The following NEK5 variants were observed in gnomAD, a reference collection of about 807,000 sequenced individuals.
NEK5 encodes the protein NIMA related kinase 5, also known as serine/threonine-protein kinase Nek5.
NEK5 carries 88 observed loss-of-function variants against 109.2 expected under a neutral mutation model. That is an observed-to-expected ratio of 0.81 (90% CI 0.68 to 0.96). The LOEUF (loss-of-function observed/expected upper bound fraction) is 0.96. Among genes scored for constraint, NEK5 ranks in the 40% least tolerant of loss-of-function variants. The pLI, the probability that NEK5 is intolerant of heterozygous loss-of-function variation, is 0.00. For synonymous variants in NEK5, 283 were observed against 299.9 expected, an observed-to-expected ratio of 0.94 and a Z score of 0.58; for missense variants, 834 against 920.7, an observed-to-expected ratio of 0.91 and a Z score of 1.22.
intron 3 of NEK5, among the ~76,000 whole-genome samples, chr13:52,123,885 G>A (rs1426274919): frequency 1.3e-5 from 2 of 149,036 alleles, no homozygotes; most frequent in African/African-American, 4.9e-5. Context: ...CAACGACCTT[G>A]GAAGAAGTAG....
At position 52,035,911 on chromosome 13, in the gene NEK5, C is replaced by T. The variant is rs912480325; in HGVS notation, c.*1037G>A. 4.6e-5 allele frequency: 7 copies of T among 151,266 alleles called. No individual in the cohort carries two copies. The highest frequency in any genetic ancestry group is 4.2e-4 in the South Asian group (2 of 4,806). The allele number at this position is 151,266 out of a possible 1,614,324, so 9.4% of individuals were successfully genotyped here. ...ACTTCAAAATCACAGTTTTGTAAAA[C>T]GGCAGATTATGTTAAATGAGTGAAC... is the stretch of plus-strand genomic sequence containing the variant. On this transcript the variant is annotated 3_prime_UTR_variant, in exon 24 of 24. Transcript: ENST00000684899.
intron 20 of NEK5, among the ~76,000 whole-genome samples, chr13:52,066,503 C>T (rs1208369133): frequency 1.3e-5 from 2 of 151,546 alleles, no homozygotes; most frequent in African/African-American, 2.4e-5. Flanking sequence ...TAGCTCTTCC[C>T]TGTTCAAAAA....
At chr13:52,114,858 G>A (rs1251305412) in intron 4 of NEK5, among the ~76,000 whole-genome samples, 2 of 152,110 alleles carry the variant, frequency 1.3e-5, no homozygotes, top group African/African-American at 4.8e-5. Context: ...CAGCAATGAA[G>A]GGATGGCAAT....
chr13:52,057,686 A>G (rs1460068005), intron 22 of NEK5, among the ~76,000 whole-genome samples: 22 of 152,316 alleles, frequency 1.4e-4, no homozygotes, highest in African/African-American at 2.4e-4. Flanking sequence ...TATAAACAGA[A>G]CCAAAGACAA....
At position 52,063,835 on chromosome 13, in the gene NEK5, G is replaced by A. The variant is rs934271743; in HGVS notation, c.1975+1649C>T. Among the ~76,000 whole-genome samples, 21 of 151,956 alleles carry A rather than the reference G, an allele frequency of 1.4e-4. 1 individual carries two copies. The highest frequency in any genetic ancestry group is 4.1e-4 in the African/African-American group (17 of 41,462). ...TGAGAAGTGAGGAGCCCCTTCGCCC[G>A]GCAGCCACCCTGTCTGGGAAGTGAG... On this transcript the variant is annotated intron_variant, in intron 21 of 23. Coordinates refer to ENST00000684899, the MANE Select transcript of NEK5 (RefSeq NM_001365552.1).
intron 3 of NEK5, among the ~76,000 whole-genome samples, chr13:52,126,624 A>G (rs1956067691): frequency 6.6e-6 from 1 of 152,120 alleles, no homozygotes; most frequent in African/African-American, 2.4e-5. Context: ...CTAAAAATAC[A>G]AAAAATTATC....
intron 20 of NEK5, 38 bp downstream of exon 20, chr13:52,071,906 C>G (rs769501635): frequency 1.1e-5 from 17 of 1,599,500 alleles, no homozygotes; most frequent in Middle Eastern, 1.6e-4. Context: ...GCTAATAAAA[C>G]AGTTCCTTCT....
At chr13:52,075,041 G>C (rs1032708551) in intron 19 of NEK5, among the ~76,000 whole-genome samples, 1 of 152,186 alleles carries the variant, frequency 6.6e-6, no homozygotes, top group Non-Finnish European at 1.5e-5. Context: ...ATGTAAATTA[G>C]TTCAACCACT....
intron 23 of NEK5, among the ~76,000 whole-genome samples, chr13:52,040,803 A>C (rs1364123531): frequency 1.3e-5 from 2 of 152,116 alleles, no homozygotes; most frequent in Admixed American, 6.5e-5. Context: ...CCACCCCTTA[A>C]TGTTAATTTT....
intron 9 of NEK5, among the ~76,000 whole-genome samples, chr13:52,103,373 G>A (rs745426551): frequency 3.1e-4 from 47 of 152,232 alleles, no homozygotes; most frequent in Non-Finnish European, 5.0e-4. Context: ...AGAGGTTGCA[G>A]TGAGCTGAGA....
At chr13:52,105,280 AG>A (rs1955628451) in intron 8 of NEK5, among the ~76,000 whole-genome samples, 2 of 55,524 alleles carry the variant, frequency 3.6e-5, no homozygotes, top group Admixed American at 3.8e-4. Context: ...TGTGTCAGAG[AG>A]AAGGAGAGAG....
chr13:52,109,143 A>G (rs1430886400), intron 7 of NEK5, among the ~76,000 whole-genome samples: 1 of 152,216 alleles, frequency 6.6e-6, no homozygotes, highest in Non-Finnish European at 1.5e-5. Flanking sequence ...ATTTTGCTAG[A>G]AAGTGTGTAA....
intron 13 of NEK5, among the ~76,000 whole-genome samples, chr13:52,092,370 G>T (rs887579331): frequency 1.3e-5 from 2 of 152,018 alleles, no homozygotes; most frequent in South Asian, 4.2e-4. Flanking sequence ...CAACAGATTT[G>T]ATTTGTGTAA....
At chr13:52,122,703 A>G (rs370244243) in intron 3 of NEK5, among the ~76,000 whole-genome samples, 8 of 152,004 alleles carry the variant, frequency 5.3e-5, no homozygotes, top group African/African-American at 1.9e-4. Flanking sequence ...GGAGGCAGAG[A>G]TTGCAGTGAG....
At chr13:52,104,250 A>G (rs1390522108) in intron 9 of NEK5, among the ~76,000 whole-genome samples, 1 of 152,188 alleles carries the variant, frequency 6.6e-6, no homozygotes, top group East Asian at 1.9e-4. Context: ...GGCATGAGCC[A>G]CCACGCCAAG....
At chr13:52,104,626 C>T in intron 8 of NEK5, 74 bp from the exon 9 acceptor site, 1 of 1,007,506 alleles carries the variant, frequency 9.9e-7, no homozygotes, top group Non-Finnish European at 1.6e-6. Flanking sequence ...CTTACAGTGC[C>T]TTAAATTTGT....
At chr13:52,077,246 A>G (rs1236693140) in intron 17 of NEK5, among the ~76,000 whole-genome samples, 1 of 152,248 alleles carries the variant, frequency 6.6e-6, no homozygotes, top group Middle Eastern at 3.2e-3. Context: ...GGGCACTGAA[A>G]ACGTATGCTT....
intron 22 of NEK5, among the ~76,000 whole-genome samples, chr13:52,054,671 AC>A (rs1178584800): frequency 1.3e-5 from 2 of 152,046 alleles, no homozygotes; most frequent in Non-Finnish European, 2.9e-5. Flanking sequence ...ACTGGGAGGC[AC>A]CCCCCAGCAG....
chr13:52,102,168 C>T lies in NEK5; in HGVS notation c.734G>A (p.Arg245Gln), dbSNP rs113132793. ...AATGGAATTTATGGATGGTCGGTCT[C>T]GAGGAGATACTTGAAAGAGCTGAGA... Reference protein sequence around the residue: ...LISQLFQVSPRDRPSINSILK... With the variant: ...LISQLFQVSPQDRPSINSILK... The change falls in exon 10 of 24, where the codon CGA becomes CAA. Residue 245 changes from arginine (R) to glutamine (Q), a missense_variant. Physicochemically the swap from Arg to Gln is conservative, Grantham distance 43. Around this residue, in one of 2 missense-constraint regions of NEK5, gnomAD observed 777 missense variants for 824.7 expected, o/e 0.94. Coordinates refer to ENST00000684899, the MANE Select transcript of NEK5 (RefSeq NM_001365552.1). 58 of 1,613,684 alleles carry T rather than the reference C, an allele frequency of 3.6e-5. No homozygotes were observed. The highest frequency in any genetic ancestry group is 2.8e-4 in the African/African-American group (21 of 74,852).
Sources: allele counts gnomAD v4.1 joint callset (sites outside exome capture counted in the v4.1 genomes callset), GRCh38; gene constraint gnomAD v4.1.1; regional missense constraint gnomAD v4.1.1; transcripts MANE v1.5; gene names NCBI Gene and HGNC (gene_info 2026-07-23, HGNC 2026-07-21).